The following ZFHX3 variants were observed in gnomAD, a reference collection of about 807,000 sequenced individuals.
ZFHX3 encodes the protein zinc finger homeobox protein 3.
A neutral mutation model predicts 279.1 loss-of-function variants in ZFHX3; 42 were observed. The ratio of observed to expected loss-of-function variants is 0.15; its 90% CI spans 0.12 to 0.19. ZFHX3 has a LOEUF of 0.19. Among genes scored for constraint, ZFHX3 ranks in the 10% least tolerant of loss-of-function variants. The probability of loss-of-function intolerance (pLI) is 1.00; values close to 1 mark genes in which losing one functional copy is unlikely to be tolerated. For synonymous variants in ZFHX3, 2,293 were observed against 1,957.8 expected (o/e 1.17, Z -4.52); for missense variants, 4,981 against 4,754.0 (o/e 1.05, Z -1.40).
At chr16:73,758,804 A>T (rs568501302) in intron 1 of ZFHX3, among the ~76,000 whole-genome samples, 1 of 152,278 alleles carries the variant, frequency 6.6e-6, no homozygotes, top group African/African-American at 2.4e-5. Flanking sequence ...TTAGTTTTGT[A>T]TCTCCCCCTC....
intron 3 of ZFHX3, among the ~76,000 whole-genome samples, chr16:72,912,875 C>G (rs1597372213): frequency 6.6e-6 from 1 of 152,140 alleles, no homozygotes; most frequent in Admixed American, 6.5e-5. Flanking sequence ...TAAGCACACA[C>G]CACCACACCT....
At chr16:73,841,044 G>C (rs888931119) in intron 1 of ZFHX3, among the ~76,000 whole-genome samples, 4 of 152,224 alleles carry the variant, frequency 2.6e-5, no homozygotes, top group Non-Finnish European at 4.4e-5. Context: ...CCAGGCTGGA[G>C]TCCTGGAAGT....
At chr16:73,619,736 C>G (rs1189052805) in intron 2 of ZFHX3, among the ~76,000 whole-genome samples, 1 of 151,988 alleles carries the variant, frequency 6.6e-6, no homozygotes, top group Non-Finnish European at 1.5e-5. Flanking sequence ...CAGGAATACC[C>G]TACCCCATTT....
chr16:73,481,646 GTTTT>G (rs1376537320), intron 2 of ZFHX3, among the ~76,000 whole-genome samples: 2 of 136,386 alleles, frequency 1.5e-5, no homozygotes, highest in African/African-American at 3.3e-5. Flanking sequence ...TTGTTTGTTT[GTTTT>G]TGTTTGTTTG....
chr16:73,186,528 C>A (rs191615852), intron 5 of ZFHX3, among the ~76,000 whole-genome samples: 279 of 151,188 alleles, frequency 1.8e-3, no homozygotes, highest in Non-Finnish European at 3.1e-3. Context: ...GTGGATATAC[C>A]AGCCAATTCC....
chr16:72,815,978 C>T (rs1386011952), intron 5 of ZFHX3, among the ~76,000 whole-genome samples: 1 of 152,168 alleles, frequency 6.6e-6, no homozygotes, highest in East Asian at 1.9e-4. Flanking sequence ...GACATTAAAA[C>T]TGATTGCTAT....
rs2143308366 is a variant in ZFHX3 at position 72,788,667 on chromosome 16, C to G, written c.9609G>C (p.Gln3203His). Residue 3203 changes from glutamine to histidine, a missense_variant, in exon 10 of 10, where the codon CAG (glutamine) becomes CAC (histidine). By Grantham distance (24) the Gln-to-His change is conservative (BLOSUM62 0). Transcript: ENST00000268489. ...GGGGAGGCTGCTGCACCTGTGGTTG[C>G]TGCTGCTGCTGCTGCTGCTGGGGGG... ...QQPPQQQQQQ[Q>H]QPQVQQPPPP... 6.6e-7 allele frequency: 1 copy of G among 1,507,140 alleles called. No homozygotes were observed. Among genetic ancestry groups the G allele is most frequent in the Non-Finnish European group, 9.1e-7 (1 of 1,102,282 alleles). The allele number at this position is 1,507,140 out of a possible 1,614,324, so 93.4% of individuals were successfully genotyped here.
intron 3 of ZFHX3, among the ~76,000 whole-genome samples, chr16:72,911,484 G>A (rs2039314423): frequency 6.6e-6 from 1 of 152,116 alleles, no homozygotes; most frequent in Non-Finnish European, 1.5e-5. Flanking sequence ...ATTAGGGCTT[G>A]CTGAATGCAG....
intron 3 of ZFHX3, among the ~76,000 whole-genome samples, chr16:73,346,324 C>T (rs1406492593): frequency 6.6e-6 from 1 of 152,208 alleles, no homozygotes; most frequent in Non-Finnish European, 1.5e-5. Context: ...GGCTCTCCCA[C>T]CGTCTGTCCT....
chr16:73,253,451 T>TTC (rs75366992), intron 5 of ZFHX3, among the ~76,000 whole-genome samples: 158 of 59,386 alleles, frequency 2.7e-3, no homozygotes, highest in Admixed American at 7.6e-3. Context: ...TTTTCTTTCT[T>TTC]TCTCTTTTTT....
At chr16:72,866,871 T>C (rs2143932356) in intron 4 of ZFHX3, among the ~76,000 whole-genome samples, 1 of 152,292 alleles carries the variant, frequency 6.6e-6, no homozygotes, top group East Asian at 1.9e-4. Context: ...CGACCTGCAG[T>C]TCCACCTTAA....
At chr16:73,349,381 T>C (rs571429197) in intron 3 of ZFHX3, among the ~76,000 whole-genome samples, 2 of 152,310 alleles carry the variant, frequency 1.3e-5, no homozygotes, top group South Asian at 4.1e-4. Flanking sequence ...GTCAGCAGCC[T>C]CATGCAGGAT....
chr16:73,588,798 C>A (rs759183339), intron 2 of ZFHX3, among the ~76,000 whole-genome samples: 16 of 151,254 alleles, frequency 1.1e-4, no homozygotes, highest in Non-Finnish European at 1.8e-4. Context: ...GTAGAAAATT[C>A]TCTATAACAA....
intron 2 of ZFHX3, among the ~76,000 whole-genome samples, chr16:73,624,962 T>C (rs1261863252): frequency 6.6e-6 from 1 of 152,238 alleles, no homozygotes; most frequent in Admixed American, 6.5e-5. Flanking sequence ...GTATTGCTGA[T>C]GGTCCCATTT....
intron 3 of ZFHX3, among the ~76,000 whole-genome samples, chr16:73,376,431 A>G (rs2016724583): frequency 6.6e-6 from 1 of 152,200 alleles, no homozygotes; most frequent in Non-Finnish European, 1.5e-5. Flanking sequence ...TTTTTCAGCC[A>G]TGTCAGCAAG....
intron 3 of ZFHX3, among the ~76,000 whole-genome samples, chr16:73,428,215 T>A (rs1426874832): frequency 2.0e-5 from 3 of 152,142 alleles, no homozygotes; most frequent in East Asian, 3.9e-4. Flanking sequence ...TAGGTTCCCC[T>A]TCCCCAGTGA....
chr16:73,437,717 CCAA>C (rs1356263716), intron 3 of ZFHX3, among the ~76,000 whole-genome samples: 1 of 152,066 alleles, frequency 6.6e-6, no homozygotes, highest in East Asian at 1.9e-4. Flanking sequence ...GGTATTTTCA[CCAA>C]CAAGTCTATG....
chr16:73,745,618 T>C (rs1296337574), intron 1 of ZFHX3, among the ~76,000 whole-genome samples: 1 of 152,216 alleles, frequency 6.6e-6, no homozygotes, highest in Admixed American at 6.5e-5. Context: ...GATTTAGCCT[T>C]CCACCTGTCA....
At chr16:73,445,048 T>C (rs1193384638) in intron 3 of ZFHX3, among the ~76,000 whole-genome samples, 1 of 150,726 alleles carries the variant, frequency 6.6e-6, no homozygotes, top group Non-Finnish European at 1.5e-5. Flanking sequence ...GGCAGGAGAA[T>C]TGCTTGAACC....
Sources: gnomAD v4.1 joint callset for allele counts (sites outside exome capture counted in the v4.1 genomes callset) on GRCh38, gnomAD v4.1.1 for gene constraint, MANE v1.5 for transcripts, NCBI Gene and HGNC (gene_info 2026-07-23, HGNC 2026-07-21) for gene names.